Variants in RASD2 observed in about 807,000 individuals in gnomAD.
RASD2 encodes GTP-binding protein Rhes.
Under a neutral mutation model 15.8 loss-of-function variants are expected in RASD2, and 7 were observed. The ratio of observed to expected loss-of-function variants is 0.44; its 90% CI spans 0.25 to 0.83. RASD2 has a LOEUF of 0.83. Ranked by LOEUF, RASD2 falls within the 40% of genes least tolerant of loss-of-function variation. The pLI, the probability that RASD2 is intolerant of heterozygous loss-of-function variation, is 0.20. For synonymous variants in RASD2, 155 were observed against 153.6 expected (o/e 1.01, Z -0.07); for missense variants, 274 against 382.8 (o/e 0.72, Z 2.37).
chr22:35,549,106 T>TACAGATAAAGCTAATGCCCC (rs1934592215), intron 2 of RASD2, among the ~76,000 whole-genome samples: 1 of 152,234 alleles, frequency 6.6e-6, no homozygotes. Flanking sequence ...CTGCAAACGC[T>TACAGATAAAGCTAATGCCCC]ACAGATAAAG....
At chr22:35,532,873 G>T in the RASD2 span, among the ~76,000 whole-genome samples, 1 of 152,174 alleles carries the variant, frequency 6.6e-6, no homozygotes, top group African/African-American at 2.4e-5. Context: ...TTCCAGGTCA[G>T]AAACAGGAGG....
chr22:35,546,849 G>A lies in RASD2; in HGVS notation c.40G>A (p.Val14Met). ...GTCCAGCGGGAACTGCACGCTCAGT[G>A]TGCCCGCCAAAAACTCATACCGCAT... ...TLSSGNCTLS[V>M]PAKNSYRMVV... Residue 14 changes from valine to methionine, a missense_variant, in exon 2 of 3, where the codon GTG becomes ATG. Physicochemically the swap from Val to Met is conservative, Grantham distance 21. Coordinates refer to ENST00000216127, the MANE Select transcript of RASD2 (RefSeq NM_014310.4). 1.2e-6 allele frequency: 2 copies of A among 1,613,856 alleles called. No individual in the cohort carries two copies. The highest frequency in any genetic ancestry group is 1.7e-6 in the Non-Finnish European group (2 of 1,179,924).
chr22:35,535,982 C>T (rs1290208276), upstream of RASD2, among the ~76,000 whole-genome samples: 3 of 152,146 alleles, frequency 2.0e-5, no homozygotes, highest in Non-Finnish European at 2.9e-5. Flanking sequence ...TTCAGCTGTG[C>T]TCCTGTTGAT....
In RASD2 at chr22:35,546,993, A is replaced by G; in HGVS notation, c.184A>G (p.Ile62Val). ...IEDFHRKVYN[I>V]RGDMYQLDIL... Reference sequence around the variant, plus strand: ...GGACTTCCACCGTAAGGTATACAACATCCGCGGCGACATGTACCAGCTCGA... The same window carrying G: ...GGACTTCCACCGTAAGGTATACAACGTCCGCGGCGACATGTACCAGCTCGA... The change falls in exon 2 of 3, where the codon ATC becomes GTC. Residue 62 changes from isoleucine to valine, a missense_variant. Transcript: ENST00000216127. 6.2e-7 allele frequency: 1 copy of G among 1,613,940 alleles called. No individual in the cohort carries two copies. Among genetic ancestry groups the G allele is most frequent in the Non-Finnish European group, 8.5e-7 (1 of 1,179,986 alleles).
chr22:35,536,013 C>T (rs1934243676), upstream of RASD2, among the ~76,000 whole-genome samples: 2 of 152,160 alleles, frequency 1.3e-5, no homozygotes, highest in Admixed American at 1.3e-4. Flanking sequence ...GTGGGGCACC[C>T]CTCCTCCCAT....
intron 2 of RASD2, among the ~76,000 whole-genome samples, chr22:35,548,240 G>A (rs1178729715): frequency 1.3e-5 from 2 of 152,178 alleles, no homozygotes; most frequent in Non-Finnish European, 2.9e-5. Flanking sequence ...CTGCTTCCTG[G>A]CTTTGTACCT....
chr22:35,552,378 C>G lies in RASD2; in HGVS notation c.*346C>G. On this transcript the variant is annotated 3_prime_UTR_variant, in exon 3 of 3. Coordinates refer to ENST00000216127, the MANE Select transcript of RASD2 (RefSeq NM_014310.4). ...GGATTGCTGCGTCATATGGAGCCTC[C>G]TGGGACAAGCCTCAGGATGAAAAGG... The G allele has an allele frequency of 3.4e-6, 1 of 296,902 alleles. No homozygotes were observed. The highest frequency in any genetic ancestry group is 6.3e-6 in the Non-Finnish European group (1 of 158,506). 18.4% of individuals were successfully genotyped at this position (296,902 alleles called of 1,614,324 possible). A position where few individuals can be genotyped will look rare whatever the true frequency, so the allele number is the denominator to read the frequency against.
In RASD2 at chr22:35,551,700, G is replaced by T; in HGVS notation, c.469G>T (p.Glu157Ter). ...LCRQVPTTEAELLVSGDENCA... is the reference protein window; with the variant it reads ...LCRQVPTTEA ...CCGCCAGGTGCCCACCACCGAGGCC[G>T]AGCTGCTGGTGTCGGGCGACGAGAA... Residue 157 changes from glutamate (E) to a stop codon, truncating the protein, a stop_gained, in exon 3 of 3, where the codon GAG becomes TAG. Coordinates refer to ENST00000216127, the MANE Select transcript of RASD2 (RefSeq NM_014310.4). LOFTEE classifies it high-confidence loss of function. The surrounding 1 kb of genome is among the most constrained non-coding windows in gnomAD (Gnocchi z 4.9). 1 of 1,613,464 alleles carries T rather than the reference G, an allele frequency of 6.2e-7. No homozygotes were observed. The highest frequency in any genetic ancestry group is 1.3e-5 in the African/African-American group (1 of 74,914).
At position 35,551,951 on chromosome 22, in the gene RASD2, C is replaced by T. The variant is rs761106564; in HGVS notation, c.720C>T (p.Val240=). The T allele has an allele frequency of 1.2e-6, 2 of 1,605,778 alleles. No individual in the cohort carries two copies. The highest frequency in any genetic ancestry group is 2.2e-5 in the South Asian group (2 of 91,086). ...MVSPFARRPS[V]NSDLKYIKAK... ...CGCCCTTCGCCCGCCGCCCCAGCGTCAACAGTGACCTCAAGTACATCAAGG... is the reference window on the plus strand; with the variant it reads ...CGCCCTTCGCCCGCCGCCCCAGCGTTAACAGTGACCTCAAGTACATCAAGG... Residue 240 remains valine (V), a synonymous_variant, in exon 3 of 3, where the codon GTC becomes GTT. Coordinates refer to ENST00000216127, the MANE Select transcript of RASD2 (RefSeq NM_014310.4). This position sits in a 1 kb window ranked among gnomAD's most constrained non-coding sequence, Gnocchi z 4.9.
Position 35,551,474 on chromosome 22 carries a change from A to G in RASD2, c.272-29A>G. ...GGGCAGGGGTTGCAGCTGGCCGGTG[A>G]ACTCACTACCTGGGCTCTCTCCCTG... On this transcript the variant is annotated intron_variant, in intron 2 of 2. Coordinates refer to ENST00000216127, the MANE Select transcript of RASD2 (RefSeq NM_014310.4). The surrounding 1 kb of genome is among the most constrained non-coding windows in gnomAD (Gnocchi z 4.9). 6.3e-7 allele frequency: 1 copy of G among 1,591,450 alleles called. No individual in the cohort carries two copies. Among genetic ancestry groups the G allele is most frequent in the Non-Finnish European group, 8.6e-7 (1 of 1,163,448 alleles).
chr22:35,539,700 C>T (rs185629459), upstream of RASD2, among the ~76,000 whole-genome samples: 14 of 152,236 alleles, frequency 9.2e-5, no homozygotes, highest in African/African-American at 3.4e-4. Context: ...CTATTTATGG[C>T]AAGTGATACT....
Position 35,551,643 on chromosome 22 carries a change from T to C in RASD2, c.412T>C (p.Cys138Arg). Residue 138 changes from cysteine to arginine, a missense_variant, in exon 3 of 3, where the codon TGT (cysteine) becomes CGT (arginine). By Grantham distance (180) the Cys-to-Arg change is radical. Coordinates refer to ENST00000216127, the MANE Select transcript of RASD2 (RefSeq NM_014310.4). This position sits in a 1 kb window ranked among gnomAD's most constrained non-coding sequence, Gnocchi z 4.9. ...KEAAELPMVI[C>R]GNKNDHGELC... ...GGCGGCGGAGCTGCCCATGGTCATC[T>C]GTGGCAACAAGAACGACCACGGCGA... is the stretch of plus-strand genomic sequence containing the variant. 6.2e-7 allele frequency: 1 copy of C among 1,614,206 alleles called. No individual in the cohort carries two copies. Among genetic ancestry groups the C allele is most frequent in the Non-Finnish European group, 8.5e-7 (1 of 1,180,024 alleles).
At chr22:35,540,488 G>C (rs527242249), upstream of RASD2, among the ~76,000 whole-genome samples, 42 of 150,362 alleles carry the variant, frequency 2.8e-4, no homozygotes, top group Non-Finnish European at 4.2e-4. Flanking sequence ...GCGGGCTCTG[G>C]GGGGCAGACG....
the RASD2 span, among the ~76,000 whole-genome samples, chr22:35,535,628 G>A: frequency 1.3e-5 from 2 of 152,122 alleles, no homozygotes; most frequent in Non-Finnish European, 2.9e-5. Flanking sequence ...ATTCCAGAAG[G>A]AAAGCTAGGA....
chr22:35,538,306 G>A (rs1298884916), upstream of RASD2, among the ~76,000 whole-genome samples: 1 of 152,084 alleles, frequency 6.6e-6, no homozygotes, highest in Non-Finnish European at 1.5e-5. Flanking sequence ...GGGAGCCCTT[G>A]AAAACTCTTG....
intron 1 of RASD2, among the ~76,000 whole-genome samples, chr22:35,542,056 C>T (rs1254676873): frequency 2.0e-5 from 3 of 152,122 alleles, no homozygotes; most frequent in Non-Finnish European, 4.4e-5. Context: ...CTTGGAGGGC[C>T]CGGAAGGCAG....
the RASD2 span, among the ~76,000 whole-genome samples, chr22:35,533,260 T>A: frequency 1.3e-5 from 2 of 152,222 alleles, no homozygotes; most frequent in East Asian, 1.9e-4. Flanking sequence ...TCTGCGTGTT[T>A]CCCAGGGCTG....
upstream of RASD2, among the ~76,000 whole-genome samples, chr22:35,540,568 C>G (rs1392066198): frequency 1.3e-5 from 2 of 151,668 alleles, no homozygotes; most frequent in African/African-American, 2.4e-5. Context: ...CTCGCAGGGG[C>G]GCGGGAGGGT....
rs188641645 is a variant in RASD2, at chr22:35,548,025, G to A, written c.271+945G>A. On this transcript the variant is annotated intron_variant, in intron 2 of 2. Transcript: ENST00000216127. ...ACTCACTCCAGTGGTAGCACAGCTC[G>A]TAAAGGCAGTCTGCTTTTGTGCTTT... Among the ~76,000 whole-genome samples, 36 of 152,366 alleles carry A rather than the reference G, an allele frequency of 2.4e-4. No individual in the cohort carries two copies. In the South Asian group the frequency reaches 4.8e-3, roughly 20 times the overall value.
Sources: gnomAD v4.1 joint callset for allele counts (sites outside exome capture counted in the v4.1 genomes callset) on GRCh38, gnomAD v4.1.1 for gene constraint, Gnocchi (gnomAD v3.1) non-coding constraint, MANE v1.5 for transcripts, NCBI Gene and HGNC (gene_info 2026-07-23, HGNC 2026-07-21) for gene names.